MYBPC1: variants seen among roughly 807,000 people sequenced by gnomAD.
The protein encoded by MYBPC1 is myosin binding protein C1.
MYBPC1 carries 52 observed loss-of-function variants against 147.1 expected under a neutral mutation model. The observed-to-expected ratio is 0.35, with a 90% CI of 0.28 to 0.45. The LOEUF (loss-of-function observed/expected upper bound fraction) is 0.45. Among genes scored for constraint, MYBPC1 ranks in the 20% least tolerant of loss-of-function variants. The pLI, the probability that MYBPC1 is intolerant of heterozygous loss-of-function variation, is 1.00. For synonymous variants in MYBPC1, 477 were observed against 475.9 expected (o/e 1.00, Z -0.03); for missense variants, 1,228 against 1,440.3 (o/e 0.85, Z 2.39).
intron 3 of MYBPC1, among the ~76,000 whole-genome samples, chr12:101,623,212 G>A (rs780947845): frequency 3.9e-5 from 6 of 152,098 alleles, no homozygotes; most frequent in African/African-American, 1.2e-4. Context: ...GGTGGCAGAC[G>A]TCTGTAGTCT....
chr12:101,623,623 G>A (rs184345298), intron 3 of MYBPC1, among the ~76,000 whole-genome samples: 3 of 152,236 alleles, frequency 2.0e-5, no homozygotes, highest in South Asian at 2.1e-4. Context: ...AATGGTTCAA[G>A]CGTCCAGTTT....
At chr12:101,666,892 C>CACACAG in intron 22 of MYBPC1, 2 of 457,834 alleles carry the variant, frequency 4.4e-6, no homozygotes, top group East Asian at 6.2e-5. Flanking sequence ...TCATCACATA[C>CACACAG]ATACACACAC....
At chr12:101,650,005 T>G (rs11110918) in intron 15 of MYBPC1, among the ~76,000 whole-genome samples, 33,639 of 152,112 alleles carry the variant, frequency 0.22, 3,994 homozygotes, top group Middle Eastern at 0.34. Flanking sequence ...AAATCTTACT[T>G]CCACATTTAT....
intron 27 of MYBPC1, 134 bp downstream of exon 27, chr12:101,677,528 C>G: frequency 9.1e-7 from 1 of 1,101,526 alleles, no homozygotes; most frequent in Non-Finnish European, 1.3e-6. Context: ...TAATGGTGTT[C>G]AAGTAAAATT....
chr12:101,636,879 A>G, intron 10 of MYBPC1, 151 bp downstream of exon 10: 1 of 673,416 alleles, frequency 1.5e-6, no homozygotes, highest in Non-Finnish European at 2.6e-6. Flanking sequence ...GTTGACTAGA[A>G]AGAGAGAAAC....
chr12:101,626,088 CAAAA>C (rs769008600), intron 3 of MYBPC1, among the ~76,000 whole-genome samples: 58 of 55,074 alleles, frequency 1.1e-3, no homozygotes, highest in Non-Finnish European at 1.8e-3. Context: ...AACTCTGTCT[CAAAA>C]AAAAAAAAAA....
intron 3 of MYBPC1, among the ~76,000 whole-genome samples, chr12:101,618,929 T>C (rs1886778771): frequency 6.6e-6 from 1 of 151,608 alleles, no homozygotes; most frequent in Admixed American, 6.6e-5. Flanking sequence ...AATACATGTA[T>C]ATATATATGT....
At chr12:101,617,166 G>A (rs770859278) in intron 2 of MYBPC1, 36 bp from the exon 3 acceptor site, 3 of 1,610,024 alleles carry the variant, frequency 1.9e-6, no homozygotes, top group Non-Finnish European at 2.5e-6. Flanking sequence ...AATGCTTTAA[G>A]GCACTTTAAA....
At chr12:101,646,603 C>A in intron 12 of MYBPC1, 160 bp from the exon 13 acceptor site, 1 of 763,938 alleles carries the variant, frequency 1.3e-6, no homozygotes, top group African/African-American at 1.7e-5. Context: ...TGCACCACTG[C>A]ACTCCTGCCT....
rs780705433 is a variant in MYBPC1, at chr12:101,653,133, T to C, written c.1652T>C (p.Leu551Pro). Residue 551 changes from leucine to proline, a missense_variant, in exon 18 of 32, where the codon CTG (leucine) becomes CCG (proline). Leu to Pro is a moderately conservative substitution (Grantham distance 98, BLOSUM62 -3). Coordinates refer to ENST00000361466, the MANE Select transcript of MYBPC1 (RefSeq NM_002465.4). ...ATTCTAGATCCTCCTAAGATCATCC[T>C]GGATGGTCTTGATGCTGACAACACA... ...VHVIDPPKII[L>P]DGLDADNTVT... 1.2e-6 allele frequency: 2 copies of C among 1,613,970 alleles called. No individual in the cohort carries two copies. Among genetic ancestry groups the C allele is most frequent in the Admixed American group, 3.3e-5 (2 of 60,026 alleles).
intron 2 of MYBPC1, 117 bp downstream of exon 2, chr12:101,614,648 G>A (rs1258809150): frequency 1.4e-5 from 14 of 971,820 alleles, no homozygotes; most frequent in East Asian, 5.2e-5. Context: ...CTCCTACTGA[G>A]AAGTTGGATG....
At chr12:101,690,792 G>A (rs552275857), downstream of MYBPC1, among the ~76,000 whole-genome samples, 6 of 152,260 alleles carry the variant, frequency 3.9e-5, no homozygotes, top group East Asian at 9.7e-4. Flanking sequence ...TTAGAGAGGA[G>A]AGCAAAGGTT....
At position 101,670,066 on chromosome 12, in the gene MYBPC1, A is replaced by G. The variant is rs1174296288; in HGVS notation, c.2525-255A>G. 4 of 573,384 alleles carry G rather than the reference A, an allele frequency of 7.0e-6. No individual in the cohort carries two copies. In the African/African-American group the frequency reaches 7.5e-5, roughly 11 times the overall value. The allele number at this position is 573,384 out of a possible 1,614,324, so 35.5% of individuals were successfully genotyped here. ...AAAATACAAAGTTGCAATAAAGCCA[A>G]GGATGTCAGGGATAAATTTTGCTGA... On this transcript the variant is annotated intron_variant, in intron 23 of 31. Transcript: ENST00000361466.
At chr12:101,599,045 T>C (rs1697478) in intron 1 of MYBPC1, among the ~76,000 whole-genome samples, 67,306 of 152,058 alleles carry the variant, frequency 0.44, 16,358 homozygotes, top group African/African-American at 0.66. Flanking sequence ...GGTGCTTGTG[T>C]GTCATTCGAA....
chr12:101,622,735 A>C (rs908031309), intron 3 of MYBPC1, among the ~76,000 whole-genome samples: 17 of 150,430 alleles, frequency 1.1e-4, no homozygotes, highest in African/African-American at 4.2e-4. Context: ...ACTCTGTCTA[A>C]AAAAAAATTA....
chr12:101,599,557 T>A (rs552939875), intron 1 of MYBPC1, among the ~76,000 whole-genome samples: 1 of 152,304 alleles, frequency 6.6e-6, no homozygotes, highest in African/African-American at 2.4e-5. Flanking sequence ...AGTTTCTACC[T>A]GCAAGAGAGT....
chr12:101,600,808 C>T (rs1879609915), intron 1 of MYBPC1, among the ~76,000 whole-genome samples: 1 of 152,068 alleles, frequency 6.6e-6, no homozygotes, highest in African/African-American at 2.4e-5. Context: ...TAATTCTAAA[C>T]TTCATCTCTA....
At chr12:101,649,749 C>G (rs539529217) in intron 15 of MYBPC1, among the ~76,000 whole-genome samples, 1 of 152,228 alleles carries the variant, frequency 6.6e-6, no homozygotes, top group African/African-American at 2.4e-5. Context: ...GCTAGCTATT[C>G]ATCAAATAAC....
At chr12:101,678,010 G>A in intron 27 of MYBPC1, 92 bp from the exon 28 acceptor site, 1 of 1,454,458 alleles carries the variant, frequency 6.9e-7, no homozygotes, top group Non-Finnish European at 9.6e-7. Flanking sequence ...TAAGTTCAGG[G>A]AAGTTTTAAT....
Sources: allele counts gnomAD v4.1 joint callset (sites outside exome capture counted in the v4.1 genomes callset), GRCh38; gene constraint gnomAD v4.1.1; transcripts MANE v1.5; gene names NCBI Gene and HGNC (gene_info 2026-07-23, HGNC 2026-07-21).